Variants in VPS13D observed in about 807,000 individuals in gnomAD.
VPS13D encodes vacuolar protein sorting 13 homolog D.
VPS13D carries 187 observed loss-of-function variants against 461.9 expected under a neutral mutation model. The ratio of observed to expected loss-of-function variants is 0.40; its 90% CI spans 0.36 to 0.46. The LOEUF (loss-of-function observed/expected upper bound fraction) is 0.46, where lower values mean the gene tolerates loss of function less well. Among genes scored for constraint, VPS13D ranks in the 20% least tolerant of loss-of-function variants. The pLI is 0.60. For synonymous variants in VPS13D, 1,951 were observed against 1,986.3 expected (o/e 0.98, Z 0.47); for missense variants, 4,711 against 5,364.9 (o/e 0.88, Z 3.81).
chr1:12,341,171 A>G (rs1643559765), intron 40 of VPS13D, among the ~76,000 whole-genome samples: 1 of 152,186 alleles, frequency 6.6e-6, no homozygotes, highest in Non-Finnish European at 1.5e-5. Context: ...CATGGTACCC[A>G]CCTTATAATA....
At chr1:12,233,315 A>C (rs1640042716) in intron 1 of VPS13D, among the ~76,000 whole-genome samples, 1 of 152,054 alleles carries the variant, frequency 6.6e-6, no homozygotes, top group Non-Finnish European at 1.5e-5. Context: ...CTCTTTCATG[A>C]ATTTCATTCA....
At chr1:12,388,812 A>G (rs1158510783) in intron 60 of VPS13D, among the ~76,000 whole-genome samples, 2 of 152,232 alleles carry the variant, frequency 1.3e-5, no homozygotes, top group African/African-American at 4.8e-5. Context: ...AGAAACACAC[A>G]TTAAGGATAA....
chr1:12,332,477 C>T (rs546315318), intron 37 of VPS13D, among the ~76,000 whole-genome samples: 133 of 152,210 alleles, frequency 8.7e-4, no homozygotes, highest in Admixed American at 4.2e-3. Flanking sequence ...AAAAAGAATG[C>T]GCATGGGGAT....
At chr1:12,307,707 G>A (rs1569863271) in intron 26 of VPS13D, among the ~76,000 whole-genome samples, 1 of 152,078 alleles carries the variant, frequency 6.6e-6, no homozygotes, top group African/African-American at 2.4e-5. Flanking sequence ...GGCCAGGCTG[G>A]TCTTGAACTC....
At chr1:12,288,337 A>G in intron 22 of VPS13D, 24 bp downstream of exon 22, 2 of 1,604,218 alleles carry the variant, frequency 1.2e-6, no homozygotes, top group Non-Finnish European at 8.5e-7. Context: ...GGTGGAGGGA[A>G]GCAAACTTGC....
rs572704625 is a variant in VPS13D at position 12,368,797 on chromosome 1, G to T, written c.10572+206G>T. Among the ~76,000 whole-genome samples, 3 of 152,330 alleles carry T rather than the reference G, an allele frequency of 2.0e-5. No individual in the cohort carries two copies. The East Asian group carries it at 5.8e-4, about 29-fold the overall frequency. On this transcript the variant is annotated intron_variant, in intron 53 of 69. Coordinates refer to ENST00000620676, the MANE Select transcript of VPS13D (RefSeq NM_015378.4). ...GTTATTTTGATTGCTAGGCAGCCTT[G>T]TCCAGGCAGAAGTAATCTTTTAGCT... is the stretch of plus-strand genomic sequence containing the variant.
intron 36 of VPS13D, among the ~76,000 whole-genome samples, chr1:12,328,830 C>T (rs184388530): frequency 2.1e-4 from 32 of 152,242 alleles, no homozygotes; most frequent in Admixed American, 1.4e-3. Context: ...TGAGCCACCG[C>T]GCCTGGCGAG....
At chr1:12,275,746 C>T in intron 18 of VPS13D, 79 bp from the exon 19 acceptor site, 4 of 1,429,504 alleles carry the variant, frequency 2.8e-6, no homozygotes, top group Non-Finnish European at 3.7e-6. Context: ...TGATTCTCTA[C>T]CTTTCATAAT....
intron 65 of VPS13D, among the ~76,000 whole-genome samples, chr1:12,429,277 GAAAC>G (rs1210963702): frequency 5.9e-5 from 9 of 151,858 alleles, no homozygotes; most frequent in East Asian, 3.9e-4. Context: ...TTTTTTTATG[GAAAC>G]AAACAAACCT....
chr1:12,396,775 C>T (rs1050233132), intron 60 of VPS13D, among the ~76,000 whole-genome samples: 7 of 152,102 alleles, frequency 4.6e-5, no homozygotes, highest in African/African-American at 1.7e-4. Flanking sequence ...TCAGGCTAAT[C>T]GTATCCTATT....
At chr1:12,237,219 A>C (rs1640180660) in intron 2 of VPS13D, among the ~76,000 whole-genome samples, 2 of 151,988 alleles carry the variant, frequency 1.3e-5, no homozygotes, top group South Asian at 4.2e-4. Context: ...TTAAGAATGG[A>C]GATAGCATTT....
intron 36 of VPS13D, 96 bp from the exon 37 acceptor site, chr1:12,329,733 C>A (rs1388005461): frequency 3.6e-6 from 3 of 822,418 alleles, no homozygotes; most frequent in Non-Finnish European, 6.0e-6. Context: ...CTCTCCTTTG[C>A]GAGTATTAGC....
intron 26 of VPS13D, among the ~76,000 whole-genome samples, chr1:12,306,145 G>A (rs1369205179): frequency 2.0e-5 from 3 of 151,928 alleles, no homozygotes; most frequent in African/African-American, 7.3e-5. Flanking sequence ...CACCACGCCT[G>A]GCTAATTTTT....
At chr1:12,434,209 CTGT>C (rs1408777475) in intron 65 of VPS13D, among the ~76,000 whole-genome samples, 3 of 152,220 alleles carry the variant, frequency 2.0e-5, no homozygotes, top group East Asian at 1.9e-4. Flanking sequence ...TGGGAACATC[CTGT>C]TGTTGAAATG....
chr1:12,394,520 T>A (rs1644470144), intron 60 of VPS13D, among the ~76,000 whole-genome samples: 1 of 152,208 alleles, frequency 6.6e-6, no homozygotes, highest in Admixed American at 6.5e-5. Flanking sequence ...ATTTTGTAGC[T>A]AATGATTGCT....
intron 21 of VPS13D, 121 bp from the exon 22 acceptor site, chr1:12,288,102 A>G: frequency 1.2e-6 from 1 of 801,744 alleles, no homozygotes; most frequent in South Asian, 1.7e-5. Context: ...GGCATTGTTA[A>G]AAGCATTACC....
intron 68 of VPS13D, chr1:12,499,930 A>G (rs1646013635): frequency 2.0e-6 from 2 of 985,300 alleles, no homozygotes; most frequent in African/African-American, 3.5e-5. Context: ...ATTTGTAATT[A>G]AAAACATGTT....
chr1:12,373,450 G>C (rs909373783), intron 54 of VPS13D, among the ~76,000 whole-genome samples: 1 of 151,338 alleles, frequency 6.6e-6, no homozygotes, highest in African/African-American at 2.4e-5. Context: ...TTGGTGGGGG[G>C]GCCTCTAAAG....
intron 50 of VPS13D, among the ~76,000 whole-genome samples, chr1:12,361,674 C>A (rs1419665828): frequency 6.6e-6 from 1 of 152,002 alleles, no homozygotes; most frequent in Non-Finnish European, 1.5e-5. Context: ...GGATTACAGG[C>A]GTGAGCCACC....
Sources: allele counts gnomAD v4.1 joint callset (sites outside exome capture counted in the v4.1 genomes callset), GRCh38; gene constraint gnomAD v4.1.1; transcripts MANE v1.5; gene names NCBI Gene and HGNC (gene_info 2026-07-23, HGNC 2026-07-21).